The following PHYKPL variants were observed in gnomAD, a reference collection of about 807,000 sequenced individuals.
The protein encoded by PHYKPL is 5-phosphohydroxy-L-lysine phospho-lyase.
PHYKPL carries 42 observed loss-of-function variants against 51.3 expected under a neutral mutation model. That is an observed-to-expected ratio of 0.82 (90% CI 0.64 to 1.06). The LOEUF (loss-of-function observed/expected upper bound fraction) is 1.06, where lower values mean the gene tolerates loss of function less well. PHYKPL is among the 50% of genes least tolerant of loss of function. The probability of loss-of-function intolerance (pLI) is 0.00; values close to 1 mark genes in which losing one functional copy is unlikely to be tolerated. For synonymous variants in PHYKPL, 264 were observed against 236.0 expected (o/e 1.12, Z -1.09); for missense variants, 655 against 586.6 (o/e 1.12, Z -1.20).
At chr5:178,224,764 G>A (rs1470300225) in intron 4 of PHYKPL, 35 bp from the exon 5 acceptor site, 4 of 1,547,032 alleles carry the variant, frequency 2.6e-6, no homozygotes, top group East Asian at 4.5e-5. Context: ...CTCGGGTCCG[G>A]GCAGCACCTA....
intron 8 of PHYKPL, among the ~76,000 whole-genome samples, chr5:178,218,421 T>C (rs1760403527): frequency 6.6e-6 from 1 of 152,134 alleles, no homozygotes; most frequent in Non-Finnish European, 1.5e-5. Flanking sequence ...TAACCTCCAA[T>C]GTGATGGTAT....
Position 178,211,239 on chromosome 5 carries a change from G to T in PHYKPL, c.*31+651C>A, listed in dbSNP as rs555425450. ...GGGAGGCGGGGGGGGGGTGCCAGGT[G>T]CCCTGGACTTGGGGCTTTCTCCTGC... is the stretch of plus-strand genomic sequence containing the variant. On this transcript the variant is annotated intron_variant, in intron 12 of 12. Transcript: ENST00000308158. 458 of 153,100 alleles carry T rather than the reference G, an allele frequency of 3.0e-3. 3 individuals carry two copies. The highest frequency in any genetic ancestry group is 4.2e-3 in the Admixed American group (65 of 15,424). 9.5% of individuals were successfully genotyped at this position (153,100 alleles called of 1,614,324 possible). A position where few individuals can be genotyped will look rare whatever the true frequency, so the allele number is the denominator to read the frequency against.
chr5:178,229,862 A>T, intron 3 of PHYKPL, 78 bp downstream of exon 3: 1 of 1,553,696 alleles, frequency 6.4e-7, no homozygotes, highest in Non-Finnish European at 8.8e-7. Context: ...GGTCAGCTAC[A>T]CTACACTGGG....
intron 3 of PHYKPL, chr5:178,226,839 A>G (rs1407707667): frequency 6.6e-6 from 1 of 152,210 alleles, no homozygotes; most frequent in East Asian, 1.9e-4. Context: ...AAAGAGTGTA[A>G]CAAGGGCTGT....
At chr5:178,210,162 G>T (rs771616200) in intron 12 of PHYKPL, 1 of 1,613,902 alleles carries the variant, frequency 6.2e-7, no homozygotes, top group African/African-American at 1.3e-5. Context: ...CAGGGCTACG[G>T]CAACTACTGG....
intron 1 of PHYKPL, chr5:178,232,183 T>C (rs1223389931): frequency 3.3e-6 from 4 of 1,226,144 alleles, no homozygotes; most frequent in Non-Finnish European, 4.1e-6. Flanking sequence ...TTCTCCGGAG[T>C]AAAGGCTGCC....
At chr5:178,227,817 G>GT (rs1762589373) in intron 3 of PHYKPL, among the ~76,000 whole-genome samples, 1 of 152,202 alleles carries the variant, frequency 6.6e-6, no homozygotes, top group Non-Finnish European at 1.5e-5. Context: ...AGGACGCCAG[G>GT]TGAGAGCAGG....
chr5:178,213,093 T>C lies in PHYKPL; in HGVS notation c.1183A>G (p.Asn395Asp), dbSNP rs761393920. 3.1e-6 allele frequency: 5 copies of C among 1,614,040 alleles called. No homozygotes were observed. Among genetic ancestry groups the C allele is most frequent in the Non-Finnish European group, 4.2e-6 (5 of 1,179,962 alleles). The change falls in exon 11 of 13, where the codon AAC becomes GAC. Residue 395 changes from asparagine (N) to aspartate (D), a missense_variant. Coordinates refer to ENST00000308158, the MANE Select transcript of PHYKPL (RefSeq NM_153373.4). ...CCATCAGTGCTCAGCAAAACGTAGT[T>C]CTCCTTCAGCCTGTGAGGACAGGAC... is the stretch of plus-strand genomic sequence containing the variant. The part of the protein sequence containing the change: ...AAYLVSRLKE[N>D]YVLLSTDGPG...
At chr5:178,210,752 T>C in intron 12 of PHYKPL, 1 of 733,330 alleles carries the variant, frequency 1.4e-6, no homozygotes, top group Non-Finnish European at 2.4e-6. Context: ...ATTTAAAATT[T>C]CCCCCATGGA....
chr5:178,226,248 C>T (rs1134369), intron 3 of PHYKPL, among the ~76,000 whole-genome samples: 34,619 of 151,664 alleles, frequency 0.23, 4,759 homozygotes, highest in East Asian at 0.43. Flanking sequence ...GCTAATTTTT[C>T]GTATTTTCAG....
At chr5:178,209,263 A>G (rs1325846544) in intron 12 of PHYKPL, 3 of 1,178,468 alleles carry the variant, frequency 2.5e-6, no homozygotes, top group Non-Finnish European at 3.8e-6. Flanking sequence ...GTCGCAGTGA[A>G]GGTGTTTGGG....
At chr5:178,222,136 A>C (rs940898556) in intron 8 of PHYKPL, among the ~76,000 whole-genome samples, 2 of 152,248 alleles carry the variant, frequency 1.3e-5, no homozygotes, top group African/African-American at 4.8e-5. Flanking sequence ...ATATTTTATA[A>C]GACATGGTCC....
intron 8 of PHYKPL, among the ~76,000 whole-genome samples, chr5:178,221,898 G>A (rs1761240923): frequency 6.6e-6 from 1 of 152,148 alleles, no homozygotes; most frequent in Admixed American, 6.5e-5. Context: ...CTGCCTCAGG[G>A]CCACTGAATA....
chr5:178,225,771 G>T (rs1016856945), intron 3 of PHYKPL: 6 of 295,590 alleles, frequency 2.0e-5, no homozygotes, highest in Non-Finnish European at 4.0e-5. Context: ...AATATGTAAG[G>T]ATTTCTCCCC....
rs1761466565 is a variant in PHYKPL, at chr5:178,222,862, G to A, written c.691C>T (p.Gln231Ter). The change falls in exon 7 of 13, where the codon CAA becomes TAA. Residue 231 changes from glutamine (Q) to a stop codon, truncating the protein, a stop_gained. Transcript: ENST00000308158. LOFTEE classifies it high-confidence loss of function. ...QIIPPAGYFS[Q>*]VAEHIRKAGG... ...CGCCCACCTACTCACTCTGCCACTT[G>A]GGAGAAGTAGCCAGCAGGGGGAATG... 6.2e-7 allele frequency: 1 copy of A among 1,614,022 alleles called. No individual in the cohort carries two copies. Among genetic ancestry groups the A allele is most frequent in the South Asian group, 1.1e-5 (1 of 91,070 alleles).
chr5:178,224,723 A>C lies in PHYKPL; in HGVS notation c.420T>G (p.Tyr140Ter). 6.2e-7 allele frequency: 1 copy of C among 1,613,714 alleles called. No homozygotes were observed. The highest frequency in any genetic ancestry group is 8.5e-7 in the Non-Finnish European group (1 of 1,179,708). Residue 140 changes from tyrosine (Y) to a stop codon, truncating the protein, a stop_gained, in exon 5 of 13, where the codon TAT becomes TAG. Transcript: ENST00000308158. LOFTEE classifies it high-confidence loss of function. ...CAATCAGGGAGCTCAGGTGGCCGTGATACGCACTGGGGAGGAGAAGGGAGG... is the reference window on the plus strand; with the variant it reads ...CAATCAGGGAGCTCAGGTGGCCGTGCTACGCACTGGGGAGGAGAAGGGAGG... ...HQDVVVLDHA[Y>*]HGHLSSLIDI...
chr5:178,210,522 T>A (rs745307876), intron 12 of PHYKPL: 7 of 1,606,164 alleles, frequency 4.4e-6, no homozygotes, highest in Non-Finnish European at 6.0e-6. Flanking sequence ...TGCTTGTAAA[T>A]AGTAGCTGCT....
chr5:178,212,840 C>T (rs1196747255), intron 11 of PHYKPL, 133 bp downstream of exon 11: 1 of 1,288,954 alleles, frequency 7.8e-7, no homozygotes, highest in Non-Finnish European at 1.1e-6. Context: ...CTCTCTTGCT[C>T]CCTGCCCTGT....
intron 12 of PHYKPL, 110 bp downstream of exon 12, chr5:178,211,780 T>G: frequency 1.4e-6 from 1 of 701,976 alleles, no homozygotes; most frequent in South Asian, 1.8e-5. Flanking sequence ...GGAGCATCAG[T>G]CAGAACAAAA....
Sources: gnomAD v4.1 joint callset for allele counts (sites outside exome capture counted in the v4.1 genomes callset) on GRCh38, gnomAD v4.1.1 for gene constraint, MANE v1.5 for transcripts, NCBI Gene and HGNC (gene_info 2026-07-23, HGNC 2026-07-21) for gene names.